Variants in NLGN4X observed in about 807,000 individuals in gnomAD.
NLGN4X encodes the protein neuroligin-4, X-linked.
Under a neutral mutation model 40.3 loss-of-function variants are expected in NLGN4X, and 3 were observed. The ratio of observed to expected loss-of-function variants is 0.07; its 90% CI spans 0.03 to 0.19. NLGN4X has a LOEUF of 0.19. NLGN4X is among the 10% of genes least tolerant of loss of function. NLGN4X has a pLI of 1.00. For synonymous variants in NLGN4X, 270 were observed against 306.8 expected (o/e 0.88, Z 1.25); for missense variants, 382 against 708.3 (o/e 0.54, Z 5.23).
intron 3 of NLGN4X, among the ~76,000 whole-genome samples, chrX:5,993,837 G>C (rs1042209030): frequency 1.8e-5 from 2 of 111,820 alleles, no homozygotes; most frequent in Non-Finnish European, 3.8e-5. Flanking sequence ...TCACAGAAGA[G>C]GTTCAGCTGA....
intron 3 of NLGN4X, among the ~76,000 whole-genome samples, chrX:5,920,828 T>C (rs1347524054): frequency 9.0e-6 from 1 of 111,164 alleles, no homozygotes; most frequent in East Asian, 2.8e-4. Context: ...TCCCAGTTTC[T>C]CTTTCTGCAC....
At chrX:5,942,605 AG>A (rs2033985561) in intron 3 of NLGN4X, among the ~76,000 whole-genome samples, 1 of 109,476 alleles carries the variant, frequency 9.1e-6, no homozygotes, top group African/African-American at 3.3e-5. Flanking sequence ...CATTGGGCCG[AG>A]ATCATGCCAC....
chrX:6,180,317 G>T (rs1208404852), intron 1 of NLGN4X, among the ~76,000 whole-genome samples: 1 of 111,386 alleles, frequency 9.0e-6, no homozygotes, highest in Non-Finnish European at 1.9e-5. Flanking sequence ...TCTCATGAAT[G>T]GTTTAGCATC....
chrX:6,204,809 G>A (rs750375746), intron 1 of NLGN4X, among the ~76,000 whole-genome samples: 1 of 111,762 alleles, frequency 8.9e-6, no homozygotes, highest in East Asian at 2.8e-4. Flanking sequence ...TGGACCATCT[G>A]CTTCAAAAGC....
At chrX:5,925,893 T>TATATATATATACATACACACAC (rs1569134548) in intron 3 of NLGN4X, among the ~76,000 whole-genome samples, 1 of 14,150 alleles carries the variant, frequency 7.1e-5, no homozygotes, top group African/African-American at 7.0e-4. Flanking sequence ...TATATATATA[T>TATATATATATACATACACACAC]ATATATATAT....
intron 3 of NLGN4X, among the ~76,000 whole-genome samples, chrX:5,934,890 G>T (rs1175729155): frequency 7.1e-5 from 8 of 112,035 alleles, no homozygotes; most frequent in African/African-American, 2.6e-4. Context: ...ATAAATGATG[G>T]TTTTAAGTAC....
Position 6,001,991 on chromosome X carries a change from A to C in NLGN4X, c.625+27289T>G, listed in dbSNP as rs41339647. Among the ~76,000 whole-genome samples the C allele has an allele frequency of 9.0e-3, 1,006 of 111,660 alleles. 11 individuals are homozygous for C. The highest frequency in any genetic ancestry group is 0.031 in the African/African-American group (954 of 30,701). On this transcript the variant is annotated intron_variant, in intron 3 of 5. Coordinates refer to ENST00000381095, the MANE Select transcript of NLGN4X (RefSeq NM_181332.3). Reference sequence around the variant, plus strand: ...GTTACCTAAGACACTTGAAAGAACTAGTAGGATCTCTCTTTAATTCCCATG... The same window carrying C: ...GTTACCTAAGACACTTGAAAGAACTCGTAGGATCTCTCTTTAATTCCCATG...
intron 3 of NLGN4X, among the ~76,000 whole-genome samples, chrX:5,948,201 G>A (rs1029611294): frequency 8.9e-6 from 1 of 111,890 alleles, no homozygotes. Flanking sequence ...AATATATGCT[G>A]CAAAATTTAT....
chrX:5,925,905 T>C (rs186933602), intron 3 of NLGN4X, among the ~76,000 whole-genome samples: 17 of 42,372 alleles, frequency 4.0e-4, no homozygotes, highest in South Asian at 2.5e-3. Context: ...TATATATATA[T>C]ATATATATAT....
At chrX:6,050,776 C>CATCTATCTATCT (rs60281598) in intron 2 of NLGN4X, among the ~76,000 whole-genome samples, 22,515 of 103,210 alleles carry the variant, frequency 0.22, 1,958 homozygotes, top group Non-Finnish European at 0.22. Context: ...TCTGTCTGTC[C>CATCTATCTATCT]ATCTATCTAT....
At chrX:6,134,330 G>A (rs1033083836) in intron 2 of NLGN4X, among the ~76,000 whole-genome samples, 3 of 111,668 alleles carry the variant, frequency 2.7e-5, no homozygotes, top group African/African-American at 6.5e-5. Flanking sequence ...AGCCTTGAAC[G>A]TGCTCCTCTG....
chrX:5,940,130 G>C (rs751554686), intron 3 of NLGN4X, among the ~76,000 whole-genome samples: 37 of 108,704 alleles, frequency 3.4e-4, no homozygotes, highest in African/African-American at 1.1e-3. Flanking sequence ...TTCTTATCCA[G>C]TACTAGAAAC....
intron 1 of NLGN4X, among the ~76,000 whole-genome samples, chrX:6,210,242 TTGTGTG>T (rs748017875): frequency 7.3e-4 from 69 of 94,082 alleles, no homozygotes; most frequent in Admixed American, 1.1e-3. Context: ...GTGCGCCCGT[TTGTGTG>T]TGTGTGTGTG....
At chrX:6,021,051 TCCCTCCCTCCCTCCCTCCCTCCCTCC>T (rs1569190145) in intron 3 of NLGN4X, among the ~76,000 whole-genome samples, 352 of 23,122 alleles carry the variant, frequency 0.015, 3 homozygotes, top group East Asian at 0.019. Context: ...TCTCTCTCCC[TCCCTCCCTCCCTCCCTCCCTCCCTCC>T]CTCTCTCTCT....
chrX:6,057,008 A>G (rs887429176), intron 2 of NLGN4X, among the ~76,000 whole-genome samples: 1 of 112,041 alleles, frequency 8.9e-6, no homozygotes, highest in African/African-American at 3.2e-5. Context: ...AATTATTCAG[A>G]TTTAATGAAG....
intron 3 of NLGN4X, among the ~76,000 whole-genome samples, chrX:5,978,118 T>C (rs2147049770): frequency 8.9e-6 from 1 of 111,997 alleles, no homozygotes; most frequent in South Asian, 3.7e-4. Flanking sequence ...ACTACATGCC[T>C]GATTGAAAAA....
intron 2 of NLGN4X, chrX:6,032,659 C>T: frequency 9.7e-7 from 1 of 1,034,687 alleles, no homozygotes; most frequent in Non-Finnish European, 1.3e-6. Context: ...AAATCATGCA[C>T]TGGGGTTGAG....
chrX:6,189,851 T>C (rs1160300459), intron 1 of NLGN4X, among the ~76,000 whole-genome samples: 1 of 110,263 alleles, frequency 9.1e-6, no homozygotes, highest in African/African-American at 3.3e-5. Context: ...TGATTATTTA[T>C]TAAGACTCAT....
chrX:6,002,642 G>C (rs923340924), intron 3 of NLGN4X, among the ~76,000 whole-genome samples: 13 of 112,139 alleles, frequency 1.2e-4, no homozygotes, highest in Admixed American at 1.0e-3. Flanking sequence ...GGGCAGAAGA[G>C]AGCGGGTTCC....
Sources: allele counts gnomAD v4.1 joint callset (sites outside exome capture counted in the v4.1 genomes callset), GRCh38; gene constraint gnomAD v4.1.1; transcripts MANE v1.5; gene names NCBI Gene and HGNC (gene_info 2026-07-23, HGNC 2026-07-21).